The following ACE variants were observed in gnomAD, a reference collection of about 807,000 sequenced individuals.
ACE encodes angiotensin-converting enzyme.
A neutral mutation model predicts 162.3 loss-of-function variants in ACE; 122 were observed. That is an observed-to-expected ratio of 0.75 (90% CI 0.65 to 0.87). ACE has a LOEUF of 0.87. Among genes scored for constraint, ACE ranks in the 40% least tolerant of loss-of-function variants. ACE has a pLI of 0.00. For synonymous variants in ACE, 796 were observed against 720.6 expected (o/e 1.10, Z -1.68); for missense variants, 1,799 against 1,735.1 (o/e 1.04, Z -0.65).
chr17:63,479,620 C>T (rs1167924761), intron 3 of ACE, 149 bp from the exon 4 acceptor site: 1 of 1,051,632 alleles, frequency 9.5e-7, no homozygotes, highest in Non-Finnish European at 1.4e-6. Context: ...CCCCCTCCCA[C>T]CAGGCCTGTA....
chr17:63,486,847 C>T (rs1178160626), intron 14 of ACE, 132 bp downstream of exon 14: 2 of 1,476,028 alleles, frequency 1.4e-6, no homozygotes, highest in Admixed American at 3.4e-5. Flanking sequence ...GCGATGTGCA[C>T]CTCAGAACTG....
At chr17:63,495,861 C>T (rs1248699722) in intron 22 of ACE, among the ~76,000 whole-genome samples, 1 of 152,244 alleles carries the variant, frequency 6.6e-6, no homozygotes. Context: ...AAGTGAGAGG[C>T]CTGTGCCACT....
Position 63,484,875 on chromosome 17 carries a change from A to C in ACE, c.1921+334A>C. On this transcript the variant is annotated intron_variant, in intron 12 of 24. Coordinates refer to ENST00000290866, the MANE Select transcript of ACE (RefSeq NM_000789.4). This position sits in a 1 kb window ranked among gnomAD's most constrained non-coding sequence, Gnocchi z 4.0. Reference sequence around the variant, plus strand: ...CTCTGCTCTCCTGCGGCCATGGGCCAGGGTTGGGCTACTGCAGGACTTCCC... The same window carrying C: ...CTCTGCTCTCCTGCGGCCATGGGCCCGGGTTGGGCTACTGCAGGACTTCCC... 1.9e-6 allele frequency: 3 copies of C among 1,585,050 alleles called. No individual in the cohort carries two copies. Among genetic ancestry groups the C allele is most frequent in the Non-Finnish European group, 2.6e-6 (3 of 1,165,408 alleles).
rs539993288 is a variant in ACE, at chr17:63,497,971, C to A, written c.*605C>A. On this transcript the variant is annotated 3_prime_UTR_variant, in exon 25 of 25. Transcript: ENST00000290866. ...CCAGGTCCCCCCAGGGGAAGGCTTC[C>A]GGCTGTTATCGGCTGCCTCAGGGGG... 1.0e-5 allele frequency: 2 copies of A among 198,736 alleles called. No homozygotes were observed. The highest frequency in any genetic ancestry group is 3.0e-4 in the East Asian group (2 of 6,672). The allele number at this position is 198,736 out of a possible 1,614,324, so 12.3% of individuals were successfully genotyped here.
At position 63,497,169 on chromosome 17, in the gene ACE, C is replaced by T. The variant is rs1226490350; in HGVS notation, c.3724C>T (p.Arg1242Cys). The T allele has an allele frequency of 6.9e-6, 11 of 1,604,058 alleles. No individual in the cohort carries two copies. Among genetic ancestry groups the T allele is most frequent in the African/African-American group, 4.0e-5 (3 of 74,878 alleles). The change falls in exon 25 of 25, where the codon CGC becomes TGC. Residue 1242 changes from arginine to cysteine, a missense_variant. By Grantham distance (180) the Arg-to-Cys change is radical. Coordinates refer to ENST00000290866, the MANE Select transcript of ACE (RefSeq NM_000789.4). ...RSEGPLPDSGRVSFLGLDLDA... is the reference protein window; with the variant it reads ...RSEGPLPDSGCVSFLGLDLDA... Reference sequence around the variant, plus strand: ...AGAAGGGCCCCTCCCAGACAGCGGCCGCGTCAGCTTCCTGGGCCTGGACCT... The same window carrying T: ...AGAAGGGCCCCTCCCAGACAGCGGCTGCGTCAGCTTCCTGGGCCTGGACCT...
At position 63,483,564 on chromosome 17, in the gene ACE, A is replaced by AGCGCGGGGGG; in HGVS notation, c.1586+10_1586+11insGGGGGGGCGC. On this transcript the variant is annotated splice_region_variant and intron_variant, in intron 10 of 24. Coordinates refer to ENST00000290866, the MANE Select transcript of ACE (RefSeq NM_000789.4). The stretch of plus-strand genomic sequence containing the variant: ...AATGTGACACCATACATCAGGTATT[A>AGCGCGGGGGG]GCGCCCCCACCCCACCCACCCCCAG... 1 of 1,607,078 alleles carries AGCGCGGGGGG rather than the reference A, an allele frequency of 6.2e-7. No individual in the cohort carries two copies. Among genetic ancestry groups the AGCGCGGGGGG allele is most frequent in the Non-Finnish European group, 8.5e-7 (1 of 1,175,084 alleles).
intron 9 of ACE, 100 bp from the exon 10 acceptor site, chr17:63,483,360 A>AAC: frequency 6.9e-7 from 1 of 1,457,456 alleles, no homozygotes; most frequent in Non-Finnish European, 9.6e-7. Context: ...GTTCCTCAGG[A>AAC]TGGGGAAGGG....
At position 63,498,355 on chromosome 17, in the gene ACE, C is replaced by T. The variant is rs1288236538; in HGVS notation, c.*989C>T. 1 of 152,118 alleles carries T rather than the reference C, an allele frequency of 6.6e-6. No individual in the cohort carries two copies. Among genetic ancestry groups the T allele is most frequent in the Non-Finnish European group, 1.5e-5 (1 of 68,012 alleles). 9.4% of individuals were successfully genotyped at this position (152,118 alleles called of 1,614,324 possible). A position where few individuals can be genotyped will look rare whatever the true frequency, so the allele number is the denominator to read the frequency against. ...CAGAAAACTGTAAAGAAAATAAAAG[C>T]CCTTTATATCAACGTCAAGAGATAA... On this transcript the variant is annotated 3_prime_UTR_variant, in exon 25 of 25. Transcript: ENST00000290866.
At chr17:63,493,738 TAGTGGC>T (rs2030542794) in intron 20 of ACE, 79 bp downstream of exon 20, 1 of 1,535,276 alleles carries the variant, frequency 6.5e-7, no homozygotes, top group Non-Finnish European at 8.9e-7. Context: ...AAGGGGCACT[TAGTGGC>T]CCATGGGCAG....
chr17:63,488,658 T>C lies in ACE; in HGVS notation c.2316T>C (p.Asn772=), dbSNP rs1169638069. The change falls in exon 16 of 25, where the codon AAT becomes AAC. Residue 772 remains asparagine (N), a synonymous_variant. Coordinates refer to ENST00000290866, the MANE Select transcript of ACE (RefSeq NM_000789.4). Reference sequence around the variant, plus strand: ...TCAAACCCCTACCAGATCTGACGAATGTGATGGCCACGTCCCGGAAATATG... The same window carrying C: ...TCAAACCCCTACCAGATCTGACGAACGTGATGGCCACGTCCCGGAAATATG... ...SCLQLEPDLT[N]VMATSRKYED... The C allele has an allele frequency of 1.9e-6, 3 of 1,613,028 alleles. No individual in the cohort carries two copies. Among genetic ancestry groups the C allele is most frequent in the Non-Finnish European group, 8.5e-7 (1 of 1,179,880 alleles).
intron 7 of ACE, 107 bp downstream of exon 7, chr17:63,481,845 T>TACCCC: frequency 6.9e-7 from 1 of 1,443,602 alleles, no homozygotes; most frequent in Non-Finnish European, 9.7e-7. Flanking sequence ...GCCTCTACCC[T>TACCCC]ACCCCAGCAC....
rs374115389 is a variant in ACE, at chr17:63,490,937, C to G, written c.2642-17C>G. The G allele has an allele frequency of 6.2e-6, 10 of 1,613,532 alleles. No individual in the cohort carries two copies. The African/African-American group carries it at 1.3e-4, about 22-fold the overall frequency. On this transcript the variant is annotated splice_polypyrimidine_tract_variant and intron_variant, in intron 17 of 24. Transcript: ENST00000290866. ...TTTGTCTTTCCTCTCTCTGCCGTCCCCCACACTCGCCTCCAGGGAACATGT... is the reference window on the plus strand; with the variant it reads ...TTTGTCTTTCCTCTCTCTGCCGTCCGCCACACTCGCCTCCAGGGAACATGT...
In ACE at chr17:63,493,659, G is replaced by A. The variant is rs761601299; in HGVS notation, c.3136G>A (p.Glu1046Lys). 14 of 1,613,834 alleles carry A rather than the reference G, an allele frequency of 8.7e-6. No individual in the cohort carries two copies. In the South Asian group the frequency reaches 9.9e-5, roughly 11 times the overall value. The change falls in exon 20 of 25, where the codon GAG (glutamate) becomes AAG (lysine). Residue 1046 changes from glutamate (E) to lysine (K), a missense_variant and splice_region_variant. Glu to Lys is a moderately conservative substitution (Grantham distance 56). Transcript: ENST00000290866. The stretch of plus-strand genomic sequence containing the variant: ...GCTGAGCAGTGAGGGTGGCAGCGAC[G>A]GTGAGAGAGAAGCGGGAGGCCCTGG... ...NLLSSEGGSD[E>K]HDINFLMKMA...
chr17:63,489,212 G>T (rs1022606027), intron 17 of ACE, 80 bp downstream of exon 17: 12 of 1,528,606 alleles, frequency 7.9e-6, no homozygotes, highest in Admixed American at 7.3e-5. Flanking sequence ...CTGACTAGAG[G>T]GTAGGGAGCA....
At chr17:63,492,954 A>G (rs1037371484) in intron 19 of ACE, among the ~76,000 whole-genome samples, 6 of 152,210 alleles carry the variant, frequency 3.9e-5, no homozygotes, top group Non-Finnish European at 7.3e-5. Flanking sequence ...CATCCTGGCC[A>G]TAAGAATTCT....
rs767513018 is a variant in ACE, at chr17:63,485,137, G to T, written c.1922-99G>T. 8 of 1,586,736 alleles carry T rather than the reference G, an allele frequency of 5.0e-6. No individual in the cohort carries two copies. In the African/African-American group the frequency reaches 6.7e-5, roughly 13 times the overall value. On this transcript the variant is annotated intron_variant, in intron 12 of 24. Transcript: ENST00000290866. ...CGGGGCCGGGTAGGGACAGGGCAGGGTACAAGGGAGTGCGAGAGGGATAAT... is the reference window on the plus strand; with the variant it reads ...CGGGGCCGGGTAGGGACAGGGCAGGTTACAAGGGAGTGCGAGAGGGATAAT...
chr17:63,487,716 C>G (rs1252173046), intron 15 of ACE, among the ~76,000 whole-genome samples: 1 of 152,198 alleles, frequency 6.6e-6, no homozygotes, highest in East Asian at 1.9e-4. Flanking sequence ...ACAGATACCT[C>G]CCAGCTCCCT....
intron 22 of ACE, among the ~76,000 whole-genome samples, chr17:63,495,105 C>CA (rs1260737195): frequency 6.6e-6 from 1 of 152,190 alleles, no homozygotes; most frequent in African/African-American, 2.4e-5. Flanking sequence ...CTGTCTCATA[C>CA]ACAGCCTCCT....
In ACE at chr17:63,485,605, A is replaced by G. The variant is rs1257064882; in HGVS notation, c.2058+233A>G. 3.6e-5 allele frequency: 18 copies of G among 506,900 alleles called. No individual in the cohort carries two copies. In the Admixed American group the frequency reaches 4.6e-4, roughly 13 times the overall value. The allele number at this position is 506,900 out of a possible 1,614,324, so 31.4% of individuals were successfully genotyped here. A position where few individuals can be genotyped will look rare whatever the true frequency, so the allele number is the denominator to read the frequency against. Reference sequence around the variant, plus strand: ...ATCCTGGCTAACACGGTGAAACCCCATCTCTAGTAAAAATACAAAAATTAG... The same window carrying G: ...ATCCTGGCTAACACGGTGAAACCCCGTCTCTAGTAAAAATACAAAAATTAG... On this transcript the variant is annotated intron_variant, in intron 13 of 24. Transcript: ENST00000290866.
Sources: gnomAD v4.1 joint callset for allele counts (sites outside exome capture counted in the v4.1 genomes callset) on GRCh38, gnomAD v4.1.1 for gene constraint, Gnocchi (gnomAD v3.1) non-coding constraint, MANE v1.5 for transcripts, NCBI Gene and HGNC (gene_info 2026-07-23, HGNC 2026-07-21) for gene names.